THEMIS: variants seen among roughly 807,000 people sequenced by gnomAD.
The protein encoded by THEMIS is thymocyte selection associated.
THEMIS carries 37 observed loss-of-function variants against 52.6 expected under a neutral mutation model. The ratio of observed to expected loss-of-function variants is 0.70; its 90% CI spans 0.54 to 0.93. The LOEUF is 0.93. Among genes scored for constraint, THEMIS ranks in the 40% least tolerant of loss-of-function variants. The probability of loss-of-function intolerance (pLI) is 0.00; values close to 1 mark genes in which losing one functional copy is unlikely to be tolerated. For missense variants in THEMIS, 808 were observed against 763.1 expected, an observed-to-expected ratio of 1.06 and a Z score of -0.69; for synonymous variants, 292 against 272.7, an observed-to-expected ratio of 1.07 and a Z score of -0.70.
chr6:127,771,995 G>T (rs1776402775), intron 4 of THEMIS, among the ~76,000 whole-genome samples: 1 of 152,008 alleles, frequency 6.6e-6, no homozygotes, highest in African/African-American at 2.4e-5. Context: ...TTTGTAACTT[G>T]CTTTTTTACT....
At chr6:127,699,076 T>C in the THEMIS span, among the ~76,000 whole-genome samples, 3 of 151,784 alleles carry the variant, frequency 2.0e-5, no homozygotes, top group African/African-American at 4.8e-5. Flanking sequence ...CTTATTATAA[T>C]CCAATAAAAA....
At chr6:127,726,880 G>A (rs949466148) in intron 4 of THEMIS, among the ~76,000 whole-genome samples, 6 of 152,114 alleles carry the variant, frequency 3.9e-5, no homozygotes, top group Admixed American at 6.6e-5. Flanking sequence ...ACGAAATGAA[G>A]ATTTGAAGCA....
intron 4 of THEMIS, among the ~76,000 whole-genome samples, chr6:127,759,591 C>G (rs1266521411): frequency 6.6e-6 from 1 of 152,158 alleles, no homozygotes; most frequent in East Asian, 1.9e-4. Flanking sequence ...AACCTTAACA[C>G]TTTATCTCAC....
At chr6:127,822,739 C>G (rs1778383139) in intron 3 of THEMIS, among the ~76,000 whole-genome samples, 1 of 152,088 alleles carries the variant, frequency 6.6e-6, no homozygotes, top group Non-Finnish European at 1.5e-5. Flanking sequence ...GTTCATGTAG[C>G]TGTCATCTAC....
rs903885432 is a variant in THEMIS at position 127,768,893 on chromosome 6, C to T, written c.1758+43990G>A. Among the ~76,000 whole-genome samples, 7 of 152,258 alleles carry T rather than the reference C, an allele frequency of 4.6e-5. No individual in the cohort carries two copies. In the East Asian group the frequency reaches 1.4e-3, roughly 29 times the overall value. On this transcript the variant is annotated intron_variant, in intron 4 of 5. Coordinates refer to ENST00000368248, the MANE Select transcript of THEMIS (RefSeq NM_001010923.3). ...TTCCCTGTTCTTAGCTCTTAGTGCA[C>T]GTAATCAATCTTTCCTGTTTATCCT...
chr6:127,863,700 G>T (rs1779882025), intron 1 of THEMIS, among the ~76,000 whole-genome samples: 1 of 152,108 alleles, frequency 6.6e-6, no homozygotes, highest in Non-Finnish European at 1.5e-5. Flanking sequence ...TGTGGAACAT[G>T]GAATCCTGCT....
At position 127,813,095 on chromosome 6, in the gene THEMIS, C is replaced by G; in HGVS notation, c.1546G>C (p.Val516Leu). 6.2e-7 allele frequency: 1 copy of G among 1,614,100 alleles called. No homozygotes were observed. The highest frequency in any genetic ancestry group is 8.5e-7 in the Non-Finnish European group (1 of 1,179,998). The change falls in exon 4 of 6, where the codon GTT (valine) becomes CTT (leucine). Residue 516 changes from valine (V) to leucine (L), a missense_variant. By Grantham distance (32) the Val-to-Leu change is conservative. Coordinates refer to ENST00000368248, the MANE Select transcript of THEMIS (RefSeq NM_001010923.3). ...TCTGCATCCCTAGAGAAATTACTAACTAACTGAACAGTCATATTCAAGCGG... is the reference window on the plus strand; with the variant it reads ...TCTGCATCCCTAGAGAAATTACTAAGTAACTGAACAGTCATATTCAAGCGG... ...VGRLNMTVQL[V>L]SNFSRDAEPF... is the part of the protein sequence containing the mutation.
chr6:127,848,480 G>A (rs1161385159), intron 2 of THEMIS, among the ~76,000 whole-genome samples: 1 of 151,834 alleles, frequency 6.6e-6, no homozygotes, highest in Non-Finnish European at 1.5e-5. Flanking sequence ...TCTAGTTCTA[G>A]ATCCCTGAAG....
chr6:127,710,018 T>C lies in THEMIS; in HGVS notation c.1895-2A>G. 1 of 1,564,896 alleles carries C rather than the reference T, an allele frequency of 6.4e-7. No homozygotes were observed. The highest frequency in any genetic ancestry group is 8.7e-7 in the Non-Finnish European group (1 of 1,150,748). On this transcript the variant is annotated splice_acceptor_variant, in intron 5 of 5. Transcript: ENST00000368248. LOFTEE classifies it high-confidence loss of function. ...GATGTTTTTCATTTTTGAATGTTTC[T>C]ATAAATAAAAAAAGAAGGGTTTATC...
chr6:127,856,226 T>C (rs1381940721), intron 1 of THEMIS, among the ~76,000 whole-genome samples: 2 of 151,968 alleles, frequency 1.3e-5, no homozygotes, highest in Non-Finnish European at 1.5e-5. Flanking sequence ...TTGTTCCTGA[T>C]ATGTAGCATG....
chr6:127,732,157 T>C (rs1774835368), intron 4 of THEMIS, among the ~76,000 whole-genome samples: 1 of 151,942 alleles, frequency 6.6e-6, no homozygotes, highest in South Asian at 2.1e-4. Flanking sequence ...TAAAATATAT[T>C]GTTAATCATT....
At chr6:127,860,612 A>G (rs1779767596) in intron 1 of THEMIS, among the ~76,000 whole-genome samples, 1 of 152,126 alleles carries the variant, frequency 6.6e-6, no homozygotes, top group South Asian at 2.1e-4. Flanking sequence ...TACTTAAAAC[A>G]TCTGAACATG....
Position 127,900,603 on chromosome 6 carries a change from G to T in THEMIS, c.91+239C>A, listed in dbSNP as rs948907729. On this transcript the variant is annotated intron_variant, in intron 1 of 5. Coordinates refer to ENST00000368248, the MANE Select transcript of THEMIS (RefSeq NM_001010923.3). ...GTTCACCATTCAAGGCCTACAGAAAGCTCAAGAAGCTTCACTCAATTCCTT... is the reference window on the plus strand; with the variant it reads ...GTTCACCATTCAAGGCCTACAGAAATCTCAAGAAGCTTCACTCAATTCCTT... Among the ~76,000 whole-genome samples, 19 of 151,998 alleles carry T rather than the reference G, an allele frequency of 1.3e-4. 1 individual carries two copies. Among genetic ancestry groups the T allele is most frequent in the Admixed American group, 1.1e-3 (17 of 15,234 alleles).
At chr6:127,866,083 A>T (rs983113302) in intron 1 of THEMIS, among the ~76,000 whole-genome samples, 2 of 152,060 alleles carry the variant, frequency 1.3e-5, no homozygotes, top group African/African-American at 4.8e-5. Flanking sequence ...GCAGTGTTGT[A>T]ACTCACACTC....
intron 4 of THEMIS, among the ~76,000 whole-genome samples, chr6:127,787,898 T>C (rs1278894315): frequency 1.3e-5 from 2 of 150,330 alleles, no homozygotes; most frequent in African/African-American, 4.9e-5. Flanking sequence ...GATAGATAGA[T>C]AGATAGATAG....
the THEMIS span, among the ~76,000 whole-genome samples, chr6:127,703,035 G>GTTTT: frequency 4.8e-3 from 398 of 82,382 alleles, 80 homozygotes; most frequent in African/African-American, 0.019. Context: ...TTTAGAATGA[G>GTTTT]TTTTTTTTTT....
rs570128745 is a variant in THEMIS at position 127,837,342 on chromosome 6, C to A, written c.251-7408G>T. Among the ~76,000 whole-genome samples, 40 of 151,962 alleles carry A rather than the reference C, an allele frequency of 2.6e-4. 1 individual carries two copies. In the East Asian group the frequency reaches 3.5e-3, roughly 13 times the overall value. On this transcript the variant is annotated intron_variant, in intron 2 of 5. Transcript: ENST00000368248. Reference sequence around the variant, plus strand: ...GGCTCATGAAACAGAGGAGCCCCCCCAAAATTTTTAAAAGATAATAATAAT... The same window carrying A: ...GGCTCATGAAACAGAGGAGCCCCCCAAAAATTTTTAAAAGATAATAATAAT...
intron 1 of THEMIS, among the ~76,000 whole-genome samples, chr6:127,862,065 T>C (rs1414636360): frequency 1.3e-5 from 2 of 152,060 alleles, no homozygotes; most frequent in Non-Finnish European, 2.9e-5. Context: ...AAACATATGA[T>C]CACAGTCAAG....
At chr6:127,798,160 G>C (rs1242692590) in intron 4 of THEMIS, among the ~76,000 whole-genome samples, 1 of 152,174 alleles carries the variant, frequency 6.6e-6, no homozygotes, top group Non-Finnish European at 1.5e-5. Flanking sequence ...ATATTAATAT[G>C]ATGAAAGTGC....
Sources: allele counts gnomAD v4.1 joint callset (sites outside exome capture counted in the v4.1 genomes callset), GRCh38; gene constraint gnomAD v4.1.1; transcripts MANE v1.5; gene names NCBI Gene and HGNC (gene_info 2026-07-23, HGNC 2026-07-21).